CD36: variants seen among roughly 807,000 people sequenced by gnomAD.
The protein encoded by CD36 is platelet glycoprotein 4.
CD36 carries 119 observed loss-of-function variants against 55.2 expected under a neutral mutation model. That is an observed-to-expected ratio of 2.15 (90% CI 1.86 to 2.51). CD36 has a LOEUF of 2.51. Ranked by LOEUF, CD36 falls within the 30% of genes most tolerant of loss-of-function variation. The probability of loss-of-function intolerance (pLI) is 0.00; values close to 1 mark genes in which losing one functional copy is unlikely to be tolerated. For synonymous variants in CD36, 186 were observed against 193.6 expected, an observed-to-expected ratio of 0.96 and a Z score of 0.33; for missense variants, 819 against 555.5, an observed-to-expected ratio of 1.47 and a Z score of -4.77.
intron 1 of CD36, among the ~76,000 whole-genome samples, chr7:80,617,493 G>A (rs1382521242): frequency 2.0e-5 from 3 of 152,146 alleles, no homozygotes; most frequent in Non-Finnish European, 2.9e-5. Flanking sequence ...TTGGGAGCCT[G>A]AGGTGGGTGG....
At chr7:80,661,516 G>A (rs1272817706) in intron 5 of CD36, among the ~76,000 whole-genome samples, 1 of 152,102 alleles carries the variant, frequency 6.6e-6, no homozygotes, top group Admixed American at 6.5e-5. Context: ...GTTTCAGTAT[G>A]TCTTTAAATG....
intron 4 of CD36, among the ~76,000 whole-genome samples, chr7:80,659,591 T>C (rs1202528698): frequency 6.6e-6 from 1 of 152,160 alleles, no homozygotes; most frequent in African/African-American, 2.4e-5. Context: ...AATTCAGTAA[T>C]TATGTTCCCT....
intron 1 of CD36, among the ~76,000 whole-genome samples, chr7:80,611,898 G>A (rs898673868): frequency 6.6e-6 from 1 of 152,140 alleles, no homozygotes; most frequent in Non-Finnish European, 1.5e-5. Context: ...GTTGATAATC[G>A]TTTTGGGTTC....
At chr7:80,652,943 C>T (rs546505984) in intron 3 of CD36, among the ~76,000 whole-genome samples, 1 of 152,136 alleles carries the variant, frequency 6.6e-6, no homozygotes, top group African/African-American at 2.4e-5. Context: ...ATGAAAATGC[C>T]AAAATTCAAC....
At chr7:80,660,488 T>C (rs1796432776) in intron 4 of CD36, among the ~76,000 whole-genome samples, 1 of 152,206 alleles carries the variant, frequency 6.6e-6, no homozygotes, top group Admixed American at 6.5e-5. Flanking sequence ...GAAGCCCCTG[T>C]ACTTTTTCCT....
rs975140278 is a variant in CD36 at position 80,654,437 on chromosome 7, T to C, written c.121-2103T>C. Among the ~76,000 whole-genome samples the C allele has an allele frequency of 7.9e-5, 12 of 152,248 alleles. No homozygotes were observed. In the East Asian group the frequency reaches 1.4e-3, roughly 17 times the overall value. On this transcript the variant is annotated intron_variant, in intron 3 of 14. Transcript: ENST00000447544. ...TTTGAGCATTAAGATTCTAATAGTG[T>C]GAGGAGAATAATGTTTGTGTTTGTG...
intron 1 of CD36, among the ~76,000 whole-genome samples, chr7:80,632,319 T>C (rs1194039770): frequency 6.6e-6 from 1 of 151,904 alleles, no homozygotes; most frequent in East Asian, 1.9e-4. Context: ...CCTGTGTTTC[T>C]TTTAAATTAT....
At chr7:80,629,490 C>T (rs1793944211) in intron 1 of CD36, among the ~76,000 whole-genome samples, 2 of 151,976 alleles carry the variant, frequency 1.3e-5, no homozygotes, top group African/African-American at 4.8e-5. Flanking sequence ...ATTAATAGCT[C>T]CACATCAACA....
intron 1 of CD36, among the ~76,000 whole-genome samples, chr7:80,619,513 G>T (rs1015771254): frequency 2.6e-5 from 4 of 151,940 alleles, no homozygotes; most frequent in African/African-American, 9.7e-5. Context: ...CAGGCATGAT[G>T]GTACATACCT....
chr7:80,661,443 T>C (rs1374784198), intron 5 of CD36, among the ~76,000 whole-genome samples: 3 of 152,216 alleles, frequency 2.0e-5, no homozygotes, highest in African/African-American at 7.2e-5. Flanking sequence ...AAACATTCTC[T>C]ATATTTAATT....
chr7:80,607,613 T>G (rs1348537827), intron 1 of CD36, among the ~76,000 whole-genome samples: 1 of 152,166 alleles, frequency 6.6e-6, no homozygotes, highest in African/African-American at 2.4e-5. Context: ...TTCTAAGTGA[T>G]ATTATCAATT....
intron 3 of CD36, among the ~76,000 whole-genome samples, chr7:80,650,589 C>G (rs1318606614): frequency 1.3e-5 from 2 of 151,928 alleles, no homozygotes; most frequent in African/African-American, 4.8e-5. Flanking sequence ...CTTTGTTTAG[C>G]TGACTAATAG....
chr7:80,622,690 A>C (rs576727678), intron 1 of CD36, among the ~76,000 whole-genome samples: 4 of 152,314 alleles, frequency 2.6e-5, no homozygotes, highest in African/African-American at 9.6e-5. Context: ...AAGTAGGGGA[A>C]AGTTCCTTAA....
At chr7:80,672,110 TGTC>T (rs1277806669) in intron 11 of CD36, 70 bp downstream of exon 11, 2 of 1,210,974 alleles carry the variant, frequency 1.7e-6, no homozygotes, top group Admixed American at 1.8e-5. Context: ...AAAATAATCT[TGTC>T]GATGATTATT....
intron 3 of CD36, among the ~76,000 whole-genome samples, chr7:80,649,638 T>C (rs1176196738): frequency 6.6e-6 from 1 of 152,098 alleles, no homozygotes; most frequent in African/African-American, 2.4e-5. Flanking sequence ...ACAGAGGTTT[T>C]ATAAGTGATG....
At chr7:80,661,819 G>A (rs931076164) in intron 5 of CD36, among the ~76,000 whole-genome samples, 2 of 152,158 alleles carry the variant, frequency 1.3e-5, no homozygotes, top group African/African-American at 4.8e-5. Context: ...TAAGGTTGAT[G>A]GTGTCTATTG....
intron 1 of CD36, among the ~76,000 whole-genome samples, chr7:80,615,318 A>C (rs1793086413): frequency 6.6e-6 from 1 of 152,206 alleles, no homozygotes; most frequent in Non-Finnish European, 1.5e-5. Context: ...TTCTGCTTAC[A>C]GAATAAAGTT....
At chr7:80,661,914 C>T (rs1053541886) in intron 5 of CD36, among the ~76,000 whole-genome samples, 11 of 152,092 alleles carry the variant, frequency 7.2e-5, no homozygotes, top group Admixed American at 2.0e-4. Context: ...TCTAGCTATC[C>T]GCCAACAGGG....
chr7:80,670,084 C>G, intron 9 of CD36, 62 bp downstream of exon 9: 1 of 994,326 alleles, frequency 1.0e-6, no homozygotes, highest in South Asian at 1.3e-5. Flanking sequence ...AAATGCAGAC[C>G]AAGAAACTTA....
Sources: gnomAD v4.1 joint callset for allele counts (sites outside exome capture counted in the v4.1 genomes callset) on GRCh38, gnomAD v4.1.1 for gene constraint, MANE v1.5 for transcripts, NCBI Gene and HGNC (gene_info 2026-07-23, HGNC 2026-07-21) for gene names.